EYS: variants seen among roughly 807,000 people sequenced by gnomAD.
EYS encodes the protein EGF-like photoreceptor maintenance factor.
Under a neutral mutation model 282.1 loss-of-function variants are expected in EYS, and 250 were observed. That is an observed-to-expected ratio of 0.89 (90% confidence interval 0.80 to 0.98). EYS has a LOEUF of 0.98. Ranked by LOEUF, EYS falls within the 50% of genes least tolerant of loss-of-function variation. EYS has a pLI of 0.00. For synonymous variants in EYS, 1,355 were observed against 1,282.9 expected, an observed-to-expected ratio of 1.06 and a Z score of -1.20; for missense variants, 4,016 against 3,709.0, an observed-to-expected ratio of 1.08 and a Z score of -2.15.
intron 1 of EYS, among the ~76,000 whole-genome samples, chr6:65,656,101 G>T (rs144106690): frequency 6.6e-6 from 1 of 151,716 alleles, no homozygotes; most frequent in Admixed American, 6.6e-5. Context: ...GCCCATATAA[G>T]ATCACAAACC....
intron 28 of EYS, among the ~76,000 whole-genome samples, chr6:64,405,873 C>T (rs1038101828): frequency 6.6e-6 from 1 of 152,124 alleles, no homozygotes; most frequent in Non-Finnish European, 1.5e-5. Flanking sequence ...TAGGAAGAAG[C>T]AATATCGTGA....
chr6:64,373,329 AGG>A (rs1772448473), intron 29 of EYS, among the ~76,000 whole-genome samples: 1 of 152,066 alleles, frequency 6.6e-6, no homozygotes, highest in Admixed American at 6.6e-5. Context: ...TGGGTCTTGG[AGG>A]AGCCCTCTCT....
intron 36 of EYS, among the ~76,000 whole-genome samples, chr6:63,843,434 A>G (rs1772016602): frequency 6.6e-6 from 1 of 152,064 alleles, no homozygotes; most frequent in African/African-American, 2.4e-5. Context: ...AATGCTTGTA[A>G]TTTTCGCACA....
At position 64,801,301 on chromosome 6, in the gene EYS, G is replaced by A. The variant is rs1774544681; in HGVS notation, c.3443+12077C>T. ...ATACACTTTTGAAGAAAACATAAGT[G>A]TTTATATTTTTCTCACCACTGATAA... is the stretch of plus-strand genomic sequence containing the variant. On this transcript the variant is annotated intron_variant, in intron 22 of 42. Coordinates refer to ENST00000503581, the MANE Select transcript of EYS (RefSeq NM_001142800.2). Among the ~76,000 whole-genome samples the A allele has an allele frequency of 7.2e-5, 11 of 152,128 alleles. No individual in the cohort carries two copies. The South Asian group carries it at 2.3e-3, about 32-fold the overall frequency.
intron 18 of EYS, among the ~76,000 whole-genome samples, chr6:64,901,492 T>G (rs893253969): frequency 2.0e-5 from 3 of 151,706 alleles, no homozygotes; most frequent in Non-Finnish European, 4.4e-5. Context: ...ATTTATTCCC[T>G]GCTAATAATA....
chr6:64,153,419 C>T (rs1246996666), intron 31 of EYS, among the ~76,000 whole-genome samples: 2 of 152,106 alleles, frequency 1.3e-5, no homozygotes, highest in Admixed American at 1.3e-4. Flanking sequence ...TAACATCTCA[C>T]CACTGGTTTT....
chr6:64,997,652 C>T lies in EYS; in HGVS notation c.2189G>A (p.Cys730Tyr), dbSNP rs1240334331. 2.6e-6 allele frequency: 4 copies of T among 1,551,210 alleles called. No individual in the cohort carries two copies. Among genetic ancestry groups the T allele is most frequent in the Middle Eastern group, 1.7e-4 (1 of 5,988 alleles). Residue 730 changes from cysteine to tyrosine, a missense_variant, in exon 14 of 43, where the codon TGT (cysteine) becomes TAT (tyrosine). By Grantham distance (194) the Cys-to-Tyr change is radical (BLOSUM62 -2). Transcript: ENST00000503581. ...GATGCAGTCATCAATGTCCTGTTCA[C>T]ATCTTATCCCAACATAGCCTGGATT... is the stretch of plus-strand genomic sequence containing the variant. ...LCNPGYVGIR[C>Y]EQDIDDCILN...
chr6:65,006,456 G>A lies in EYS; in HGVS notation c.2138-8753C>T, dbSNP rs376260858. 2.4e-4 allele frequency among the ~76,000 whole-genome samples: 28 copies of A among 116,370 alleles called. No individual in the cohort carries two copies. The South Asian group carries it at 8.3e-3, about 35-fold the overall frequency. 76.3% of individuals were successfully genotyped at this position (116,370 alleles called of 152,430 possible). On this transcript the variant is annotated intron_variant, in intron 13 of 42. Transcript: ENST00000503581. Reference sequence around the variant, plus strand: ...AAAAGTAGAAAAGTAACTTTTAGAGGAAACCTCGTTGTGAGCACACCTCAC... The same window carrying A: ...AAAAGTAGAAAAGTAACTTTTAGAGAAAACCTCGTTGTGAGCACACCTCAC...
chr6:65,058,149 T>C lies in EYS; in HGVS notation c.2024-422A>G, dbSNP rs143269697. On this transcript the variant is annotated intron_variant, in intron 12 of 42. Coordinates refer to ENST00000503581, the MANE Select transcript of EYS (RefSeq NM_001142800.2). ...TATGTCCCTGAGGGCTGAATGTTATTTGTTCATTTGTTTGTTTTGGAGAGG... is the reference window on the plus strand; with the variant it reads ...TATGTCCCTGAGGGCTGAATGTTATCTGTTCATTTGTTTGTTTTGGAGAGG... 4.6e-5 allele frequency among the ~76,000 whole-genome samples: 7 copies of C among 152,140 alleles called. No individual in the cohort carries two copies. In the East Asian group the frequency reaches 1.2e-3, roughly 25 times the overall value.
intron 15 of EYS, among the ~76,000 whole-genome samples, chr6:64,929,108 G>A (rs1768617456): frequency 6.6e-6 from 1 of 152,016 alleles, no homozygotes. Flanking sequence ...TCAAATGAAA[G>A]TGAATCCATT....
intron 12 of EYS, among the ~76,000 whole-genome samples, chr6:65,059,027 C>A (rs769419661): frequency 6.6e-6 from 1 of 151,924 alleles, no homozygotes; most frequent in Non-Finnish European, 1.5e-5. Context: ...GAAAATATCA[C>A]TATTATCACT....
intron 2 of EYS, among the ~76,000 whole-genome samples, chr6:65,562,688 A>T (rs1368986363): frequency 6.6e-6 from 1 of 152,060 alleles, no homozygotes; most frequent in Non-Finnish European, 1.5e-5. Context: ...AGTAGATATG[A>T]CTTATATATA....
intron 32 of EYS, among the ~76,000 whole-genome samples, chr6:64,069,550 T>C (rs767971887): frequency 6.6e-6 from 1 of 152,056 alleles, no homozygotes; most frequent in Non-Finnish European, 1.5e-5. Flanking sequence ...AATAAAAGTG[T>C]CTTAAATCTC....
chr6:65,543,158 A>G (rs1260134114), intron 2 of EYS, among the ~76,000 whole-genome samples: 2 of 151,964 alleles, frequency 1.3e-5, no homozygotes, highest in Non-Finnish European at 2.9e-5. Flanking sequence ...AGCTGGGATT[A>G]TAGGCACTTG....
At position 65,616,742 on chromosome 6, in the gene EYS, C is replaced by T. The variant is rs1001657812; in HGVS notation, c.-333+23036G>A. On this transcript the variant is annotated intron_variant, in intron 2 of 42. Transcript: ENST00000503581. Reference sequence around the variant, plus strand: ...TCAAGGTTGCAGTGAGCCGAGATAACGCCACTGCACTCCAGCCTGGTGACA... The same window carrying T: ...TCAAGGTTGCAGTGAGCCGAGATAATGCCACTGCACTCCAGCCTGGTGACA... 6.0e-4 allele frequency among the ~76,000 whole-genome samples: 91 copies of T among 151,236 alleles called. 1 individual carries two copies. Among genetic ancestry groups the T allele is most frequent in the African/African-American group, 1.9e-3 (78 of 41,002 alleles).
intron 2 of EYS, among the ~76,000 whole-genome samples, chr6:65,501,730 A>C (rs1209535694): frequency 6.6e-6 from 1 of 151,758 alleles, no homozygotes; most frequent in Non-Finnish European, 1.5e-5. Context: ...CATTATAAAA[A>C]AGTATAGAGA....
chr6:64,649,091 T>TA (rs1768459626), intron 22 of EYS, among the ~76,000 whole-genome samples: 2 of 152,122 alleles, frequency 1.3e-5, no homozygotes, highest in Non-Finnish European at 2.9e-5. Context: ...AGTTAAGAAT[T>TA]GATGAGTCCA....
At chr6:65,616,447 T>G (rs1289413760) in intron 2 of EYS, among the ~76,000 whole-genome samples, 1 of 152,018 alleles carries the variant, frequency 6.6e-6, no homozygotes, top group Non-Finnish European at 1.5e-5. Context: ...CTAATTTTAT[T>G]GAACCAGAGA....
At chr6:64,454,377 T>C (rs1029216476) in intron 26 of EYS, among the ~76,000 whole-genome samples, 1 of 152,154 alleles carries the variant, frequency 6.6e-6, no homozygotes. Flanking sequence ...TGTGCCCTTT[T>C]ATATAAATAT....
Sources: gnomAD v4.1 joint callset for allele counts (sites outside exome capture counted in the v4.1 genomes callset) on GRCh38, gnomAD v4.1.1 for gene constraint, MANE v1.5 for transcripts, NCBI Gene and HGNC (gene_info 2026-07-23, HGNC 2026-07-21) for gene names.